The following OLFM1 variants were observed in gnomAD, a reference collection of about 807,000 sequenced individuals.
The protein encoded by OLFM1 is olfactomedin 1.
In OLFM1, 9 loss-of-function variants were observed where a neutral mutation model predicts 49.7. That is an observed-to-expected ratio of 0.18 (90% CI 0.11 to 0.32). The LOEUF is 0.32. Ranked by LOEUF, OLFM1 falls within the 10% of genes least tolerant of loss-of-function variation. The pLI is 1.00. For synonymous variants in OLFM1, 240 were observed against 271.8 expected (o/e 0.88, Z 1.15); for missense variants, 369 against 661.8 (o/e 0.56, Z 4.85).
At chr9:135,106,681 A>T (rs1830948254) in intron 4 of OLFM1, 68 bp from the exon 5 acceptor site, 2 of 1,219,390 alleles carry the variant, frequency 1.6e-6, no homozygotes, top group Non-Finnish European at 2.4e-6. Flanking sequence ...TGGGCAGTCG[A>T]GGTCAGGGTC....
rs74678668 is a variant in OLFM1 at position 135,096,552 on chromosome 9, C to G, written c.456+533C>G. Among the ~76,000 whole-genome samples, 1,233 of 152,348 alleles carry G rather than the reference C, an allele frequency of 8.1e-3. 47 individuals are homozygous for G. In the East Asian group the frequency reaches 0.11, roughly 13 times the overall value. On this transcript the variant is annotated intron_variant, in intron 3 of 5. Transcript: ENST00000371793. ...ACAGGGGCGGCCTGAGTGGTGGCAG[C>G]AGCATACACTCGCCCCCAAGCCCCC...
At position 135,119,491 on chromosome 9, in the gene OLFM1, GCT is replaced by G; in HGVS notation, c.784-7_784-6del. 1 of 1,587,320 alleles carries G rather than the reference GCT, an allele frequency of 6.3e-7. No individual in the cohort carries two copies. Among genetic ancestry groups the G allele is most frequent in the African/African-American group, 1.3e-5 (1 of 74,752 alleles). ...TTTGGAAGTGCTCACCACCGGGTCTGCTCTCTCCACAGGTGTGGTACATGGAC... is the reference window on the plus strand; with the variant it reads ...TTTGGAAGTGCTCACCACCGGGTCTGCTCTCCACAGGTGTGGTACATGGAC... On this transcript the variant is annotated splice_polypyrimidine_tract_variant and intron_variant, in intron 5 of 5. Coordinates refer to ENST00000371793, the MANE Select transcript of OLFM1 (RefSeq NM_001282611.2).
At chr9:135,079,280 T>G (rs1480985004) in intron 1 of OLFM1, among the ~76,000 whole-genome samples, 1 of 152,136 alleles carries the variant, frequency 6.6e-6, no homozygotes, top group African/African-American at 2.4e-5. Flanking sequence ...ATATTTGATC[T>G]GGGTCCAGGC....
At chr9:135,108,875 G>A (rs973883162) in intron 5 of OLFM1, among the ~76,000 whole-genome samples, 2 of 152,174 alleles carry the variant, frequency 1.3e-5, no homozygotes, top group South Asian at 4.2e-4. Context: ...GGATCATGGA[G>A]TGCCTGTCTG....
chr9:135,095,814 G>T (rs150666902), intron 2 of OLFM1, 50 bp from the exon 3 acceptor site: 4 of 1,599,774 alleles, frequency 2.5e-6, no homozygotes, highest in South Asian at 2.2e-5. Flanking sequence ...AGAGAAGATT[G>T]CCTGGCACCT....
In OLFM1 at chr9:135,120,017, T is replaced by G; in HGVS notation, c.1297T>G (p.Ser433Ala). 1.9e-6 allele frequency: 3 copies of G among 1,613,878 alleles called. No homozygotes were observed. The highest frequency in any genetic ancestry group is 2.5e-6 in the Non-Finnish European group (3 of 1,180,018). Residue 433 changes from serine to alanine, a missense_variant, in exon 6 of 6, where the codon TCC (serine) becomes GCC (alanine). Ser to Ala is a moderately conservative substitution (Grantham distance 99). This residue lies in a region of OLFM1 where 294 missense variants were observed against 567.5 expected (regional missense o/e 0.52). Transcript: ENST00000371793. Reference protein sequence around the residue: ...KVHYAYQTNASTYEYIDIPFQ... With the variant: ...KVHYAYQTNAATYEYIDIPFQ... ...CCACTATGCATACCAGACCAATGCC[T>G]CCACCTATGAATACATCGACATCCC...
At chr9:135,095,810 G>A in intron 2 of OLFM1, 54 bp from the exon 3 acceptor site, 1 of 1,593,604 alleles carries the variant, frequency 6.3e-7, no homozygotes, top group Non-Finnish European at 8.6e-7. Context: ...AGGCAGAGAA[G>A]ATTGCCTGGC....
chr9:135,075,695 C>G, exon 1 of OLFM1: 1 of 1,584,492 alleles, frequency 6.3e-7, no homozygotes, highest in South Asian at 1.1e-5. Context: ...CGGCCAGCAC[C>G]CAGGGCCCTG....
chr9:135,101,366 G>A (rs1244917565), intron 4 of OLFM1, among the ~76,000 whole-genome samples: 1 of 152,192 alleles, frequency 6.6e-6, no homozygotes, highest in Non-Finnish European at 1.5e-5. Flanking sequence ...TAAGCCTGGA[G>A]GAGAGGCTCT....
chr9:135,087,176 G>A (rs1830608733), upstream of OLFM1: 3 of 1,361,748 alleles, frequency 2.2e-6, no homozygotes, highest in Non-Finnish European at 2.9e-6. Context: ...CCTGGCGCTG[G>A]AGGCCCTCGC....
chr9:135,088,717 T>C lies in OLFM1; in HGVS notation c.150+578T>C, dbSNP rs1291469391. 6.6e-6 allele frequency among the ~76,000 whole-genome samples: 1 copy of C among 152,074 alleles called. No homozygotes were observed. The highest frequency in any genetic ancestry group is 1.5e-5 in the Non-Finnish European group (1 of 67,984). On this transcript the variant is annotated intron_variant, in intron 1 of 5. Transcript: ENST00000371793. This position sits in a 1 kb window ranked among gnomAD's most constrained non-coding sequence, Gnocchi z 4.8. ...AAGGCGCCCTTTCCTCCCCAGTCCA[T>C]AGGAGGGTTTGTTCCTTCTCCTCCG...
intron 3 of OLFM1, chr9:135,097,792 AAG>A: frequency 6.2e-7 from 1 of 1,613,674 alleles, no homozygotes; most frequent in Non-Finnish European, 8.5e-7. Context: ...GCTAACTTAA[AAG>A]AGTTTTTTCA....
At chr9:135,085,815 C>G (rs1281588695), upstream of OLFM1, among the ~76,000 whole-genome samples, 3 of 152,246 alleles carry the variant, frequency 2.0e-5, no homozygotes, top group African/African-American at 7.2e-5. Flanking sequence ...ACGACCCTTT[C>G]AAAACCATTA....
At chr9:135,110,170 C>T (rs1329444141) in intron 5 of OLFM1, among the ~76,000 whole-genome samples, 1 of 152,138 alleles carries the variant, frequency 6.6e-6, no homozygotes, top group African/African-American at 2.4e-5. Flanking sequence ...CAACCTGATG[C>T]GTGAATGCCC....
intron 4 of OLFM1, among the ~76,000 whole-genome samples, chr9:135,102,126 T>C (rs916537324): frequency 6.6e-6 from 1 of 152,086 alleles, no homozygotes; most frequent in African/African-American, 2.4e-5. Flanking sequence ...GGTATCTAGG[T>C]TGATGCAAGT....
At position 135,077,048 on chromosome 9, in the gene OLFM1, GA is replaced by G. The variant is rs3841031; in HGVS notation, c.96+1247del. ...AGACGATCAGCCAGTCCCTCCTGGAGAGGTTCTGCATGGCCTCTAGGAGAGG... is the reference window on the plus strand; with the variant it reads ...AGACGATCAGCCAGTCCCTCCTGGAGGGTTCTGCATGGCCTCTAGGAGAGG... On this transcript the variant is annotated intron_variant, in intron 1 of 5. Coordinates refer to the OLFM1 transcript ENST00000252854. 5,707 of 1,516,316 alleles carry G rather than the reference GA, an allele frequency of 3.8e-3. 119 individuals are homozygous for G. The highest frequency in any genetic ancestry group is 0.03 in the South Asian group (2,491 of 82,374). The allele number at this position is 1,516,316 out of a possible 1,614,324, so 93.9% of individuals were successfully genotyped here.
intron 4 of OLFM1, among the ~76,000 whole-genome samples, chr9:135,101,284 G>A (rs898534026): frequency 6.6e-6 from 1 of 152,152 alleles, no homozygotes; most frequent in East Asian, 1.9e-4. Context: ...TGTGCCTGCT[G>A]TTCCTGCTGG....
chr9:135,078,967 T>A (rs1308431220), intron 1 of OLFM1, among the ~76,000 whole-genome samples: 1 of 152,140 alleles, frequency 6.6e-6, no homozygotes, highest in African/African-American at 2.4e-5. Context: ...TTGAGTAAAA[T>A]CCCTTCCTGC....
intron 4 of OLFM1, among the ~76,000 whole-genome samples, chr9:135,102,486 G>A (rs892360337): frequency 7.9e-5 from 12 of 152,164 alleles, no homozygotes; most frequent in Non-Finnish European, 1.5e-4. Context: ...AGTGGGGCCC[G>A]GGCGGCCAGG....
Sources: gnomAD v4.1 joint callset for allele counts (sites outside exome capture counted in the v4.1 genomes callset) on GRCh38, gnomAD v4.1.1 for gene constraint, gnomAD v4.1.1 regional missense constraint, Gnocchi (gnomAD v3.1) non-coding constraint, MANE v1.5 for transcripts, NCBI Gene and HGNC (gene_info 2026-07-23, HGNC 2026-07-21) for gene names.